Variants in GRIP1 observed in about 807,000 individuals in gnomAD.
GRIP1 encodes the protein glutamate receptor interacting protein 1.
In GRIP1, 45 loss-of-function variants were observed where a neutral mutation model predicts 129.9. That is an observed-to-expected ratio of 0.35 (90% CI 0.27 to 0.44). The LOEUF (loss-of-function observed/expected upper bound fraction) is 0.44. Among genes scored for constraint, GRIP1 ranks in the 20% least tolerant of loss-of-function variants. GRIP1 has a pLI of 1.00. For synonymous variants in GRIP1, 530 were observed against 520.8 expected (o/e 1.02, Z -0.24); for missense variants, 1,196 against 1,396.8 (o/e 0.86, Z 2.29).
chr12:66,615,738 G>A (rs1164443916), intron 1 of GRIP1, among the ~76,000 whole-genome samples: 2 of 152,152 alleles, frequency 1.3e-5, no homozygotes, highest in South Asian at 2.1e-4. Context: ...TTCGCCTCCT[G>A]GGTTCAAGCG....
intron 19 of GRIP1, among the ~76,000 whole-genome samples, chr12:66,389,603 GA>G (rs551326435): frequency 4.7e-5 from 7 of 149,666 alleles, no homozygotes; most frequent in Non-Finnish European, 1.0e-4. Flanking sequence ...CACGGGTAAA[GA>G]AAAAAAAACA....
intron 1 of GRIP1, among the ~76,000 whole-genome samples, chr12:66,643,752 T>C (rs1436319619): frequency 6.6e-6 from 1 of 152,126 alleles, no homozygotes; most frequent in Non-Finnish European, 1.5e-5. Flanking sequence ...TTTGTAAAGA[T>C]AGGTTCTCAC....
chr12:66,761,773 AG>A (rs1340802494), intron 1 of GRIP1, among the ~76,000 whole-genome samples: 1 of 152,182 alleles, frequency 6.6e-6, no homozygotes, highest in Non-Finnish European at 1.5e-5. Flanking sequence ...TGGGTTCTGA[AG>A]AAATCCTAGA....
At chr12:67,052,646 GCTA>G (rs1316610341) in intron 1 of GRIP1, among the ~76,000 whole-genome samples, 4 of 152,010 alleles carry the variant, frequency 2.6e-5, no homozygotes, top group Non-Finnish European at 5.9e-5. Flanking sequence ...TGTAGTCCCA[GCTA>G]CTCAGGATGC....
chr12:66,435,396 T>A (rs1275723227), intron 13 of GRIP1, among the ~76,000 whole-genome samples: 2 of 152,066 alleles, frequency 1.3e-5, no homozygotes, highest in African/African-American at 4.8e-5. Flanking sequence ...AGAGATGGGG[T>A]TTCCGCCATG....
At chr12:66,912,524 G>T (rs1204821613) in intron 1 of GRIP1, among the ~76,000 whole-genome samples, 2 of 152,064 alleles carry the variant, frequency 1.3e-5, no homozygotes, top group Non-Finnish European at 2.9e-5. Flanking sequence ...ATTCATATCT[G>T]ATAGGATAAA....
chr12:67,013,127 A>G (rs1439336894), intron 1 of GRIP1, among the ~76,000 whole-genome samples: 1 of 152,222 alleles, frequency 6.6e-6, no homozygotes, highest in Non-Finnish European at 1.5e-5. Context: ...TTGTTGAGGA[A>G]AGAAAATATC....
intron 1 of GRIP1, among the ~76,000 whole-genome samples, chr12:66,852,526 G>GTATATGTA (rs377706307): frequency 1.9e-5 from 2 of 107,700 alleles, no homozygotes; most frequent in Admixed American, 9.5e-5. Context: ...GTGTATATAT[G>GTATATGTA]TATATGTATA....
intron 1 of GRIP1, among the ~76,000 whole-genome samples, chr12:66,611,234 G>A (rs1216096694): frequency 6.6e-6 from 1 of 152,086 alleles, no homozygotes; most frequent in Admixed American, 6.6e-5. Context: ...TGCCACTCCT[G>A]TCAGCATCTT....
intron 1 of GRIP1, among the ~76,000 whole-genome samples, chr12:66,732,897 C>A (rs867552959): frequency 6.6e-6 from 1 of 152,124 alleles, no homozygotes; most frequent in Non-Finnish European, 1.5e-5. Context: ...GAAAAGGATA[C>A]TTAAATAACA....
chr12:66,476,865 A>T (rs1462198186), intron 7 of GRIP1, among the ~76,000 whole-genome samples: 3 of 152,240 alleles, frequency 2.0e-5, no homozygotes, highest in South Asian at 2.1e-4. Flanking sequence ...TTAGGTATTG[A>T]TGGGACGTAT....
intron 13 of GRIP1, among the ~76,000 whole-genome samples, chr12:66,440,234 A>T (rs1015029961): frequency 2.0e-5 from 3 of 152,210 alleles, no homozygotes; most frequent in Non-Finnish European, 2.9e-5. Flanking sequence ...ACTTTGATAC[A>T]AGTATGCAAT....
intron 7 of GRIP1, among the ~76,000 whole-genome samples, chr12:66,494,287 G>C (rs1161851906): frequency 6.6e-6 from 1 of 152,090 alleles, no homozygotes; most frequent in Non-Finnish European, 1.5e-5. Flanking sequence ...TAAACACTCT[G>C]TTAAGACTTT....
intron 7 of GRIP1, among the ~76,000 whole-genome samples, chr12:66,496,710 T>C (rs1036975796): frequency 6.6e-6 from 1 of 152,202 alleles, no homozygotes; most frequent in African/African-American, 2.4e-5. Flanking sequence ...TCTCTTGGTA[T>C]GGGCCAATGA....
chr12:66,963,710 T>C (rs2041955992), intron 1 of GRIP1, among the ~76,000 whole-genome samples: 1 of 152,122 alleles, frequency 6.6e-6, no homozygotes, highest in Non-Finnish European at 1.5e-5. Flanking sequence ...CTACACCTTC[T>C]ACTTGAACAA....
chr12:66,623,307 T>C (rs1565918589), intron 1 of GRIP1, among the ~76,000 whole-genome samples: 3 of 152,186 alleles, frequency 2.0e-5, no homozygotes, highest in Non-Finnish European at 4.4e-5. Flanking sequence ...ATTAATTCAT[T>C]TAAACTTCAC....
At chr12:67,010,932 G>A (rs545823169) in intron 1 of GRIP1, among the ~76,000 whole-genome samples, 1 of 152,080 alleles carries the variant, frequency 6.6e-6, no homozygotes, top group Admixed American at 6.6e-5. Flanking sequence ...ATAAATGCTT[G>A]AGTTCTCAGG....
intron 1 of GRIP1, among the ~76,000 whole-genome samples, chr12:66,934,341 T>G (rs778677417): frequency 4.6e-5 from 7 of 152,176 alleles, no homozygotes; most frequent in Non-Finnish European, 8.8e-5. Context: ...CATTATCTCC[T>G]CCAAGAAACT....
At chr12:66,605,715 C>CT (rs1426606438) in intron 1 of GRIP1, among the ~76,000 whole-genome samples, 1 of 152,116 alleles carries the variant, frequency 6.6e-6, no homozygotes, top group Admixed American at 6.6e-5. Flanking sequence ...ATCTTTCCTT[C>CT]TTTTTTTCTG....
Sources: allele counts gnomAD v4.1 joint callset (sites outside exome capture counted in the v4.1 genomes callset), GRCh38; gene constraint gnomAD v4.1.1; transcripts MANE v1.5; gene names NCBI Gene and HGNC (gene_info 2026-07-23, HGNC 2026-07-21).